MMS22L: variants seen among roughly 807,000 people sequenced by gnomAD.
MMS22L encodes MMS22 like, DNA repair protein, also known as protein MMS22-like.
In MMS22L, 74 loss-of-function variants were observed where a neutral mutation model predicts 159.1. The observed-to-expected ratio is 0.47, with a 90% confidence interval of 0.39 to 0.56. The LOEUF (loss-of-function observed/expected upper bound fraction) is 0.56, where lower values mean the gene tolerates loss of function less well. Among genes scored for constraint, MMS22L ranks in the 20% least tolerant of loss-of-function variants. The pLI is 0.00. For synonymous variants in MMS22L, 517 were observed against 506.9 expected (o/e 1.02, Z -0.27); for missense variants, 1,351 against 1,422.1 (o/e 0.95, Z 0.80).
At chr6:97,165,535 G>A (rs1406077210) in intron 20 of MMS22L, 78 bp from the exon 21 acceptor site, 1 of 1,134,046 alleles carries the variant, frequency 8.8e-7, no homozygotes, top group Non-Finnish European at 1.3e-6. Context: ...CACTAATGAA[G>A]TCCCCAGCAT....
intron 14 of MMS22L, among the ~76,000 whole-genome samples, chr6:97,192,325 G>C (rs1032961168): frequency 2.6e-5 from 4 of 152,096 alleles, no homozygotes; most frequent in African/African-American, 9.7e-5. Context: ...AGAAAAATAA[G>C]GGCTCCTTGA....
chr6:97,165,195 A>C lies in MMS22L; in HGVS notation c.3221+51T>G, dbSNP rs1413363724. On this transcript the variant is annotated intron_variant, in intron 21 of 24. Transcript: ENST00000683635. ...TTTGAAATGCCACTTTATCACTTTA[A>C]TAGAGCTTAATAATTTGTACATACC... 5 of 1,526,570 alleles carry C rather than the reference A, an allele frequency of 3.3e-6. No homozygotes were observed. In the East Asian group the frequency reaches 6.8e-5, roughly 21 times the overall value. The allele number at this position is 1,526,570 out of a possible 1,614,324, so 94.6% of individuals were successfully genotyped here. A position where few individuals can be genotyped will look rare whatever the true frequency, so the allele number is the denominator to read the frequency against.
At chr6:97,193,032 A>G (rs547299031) in intron 14 of MMS22L, among the ~76,000 whole-genome samples, 2 of 152,286 alleles carry the variant, frequency 1.3e-5, no homozygotes, top group East Asian at 3.9e-4. Context: ...TAAATAATAC[A>G]TGCTCCAAAT....
chr6:97,251,850 G>A (rs1306578383), intron 10 of MMS22L, among the ~76,000 whole-genome samples: 2 of 151,924 alleles, frequency 1.3e-5, no homozygotes, highest in Non-Finnish European at 2.9e-5. Flanking sequence ...TTGAGAGGCC[G>A]AAGCGGGCGG....
At chr6:97,249,792 ATT>A (rs1296117177) in intron 10 of MMS22L, among the ~76,000 whole-genome samples, 5 of 132,482 alleles carry the variant, frequency 3.8e-5, no homozygotes, top group African/African-American at 1.5e-4. Flanking sequence ...TTTTTGTATC[ATT>A]CTTTATTAAG....
At chr6:97,192,605 T>G (rs982546205) in intron 14 of MMS22L, among the ~76,000 whole-genome samples, 1 of 152,178 alleles carries the variant, frequency 6.6e-6, no homozygotes, top group Non-Finnish European at 1.5e-5. Flanking sequence ...CTTAGAGGCA[T>G]TCGAACATCA....
At chr6:97,181,024 G>A (rs1358716823) in intron 16 of MMS22L, among the ~76,000 whole-genome samples, 1 of 152,196 alleles carries the variant, frequency 6.6e-6, no homozygotes, top group East Asian at 1.9e-4. Context: ...CATATGCCAT[G>A]TGTACACACG....
chr6:97,233,981 C>T lies in MMS22L; in HGVS notation c.1183-1G>A. On this transcript the variant is annotated splice_acceptor_variant, in intron 11 of 24. Transcript: ENST00000683635. LOFTEE classifies it high-confidence loss of function. Reference sequence around the variant, plus strand: ...GTAATTGTTCTTCTAGAATGACACCCTAAAAAATAAACTGAAGTTATGAGA... The same window carrying T: ...GTAATTGTTCTTCTAGAATGACACCTTAAAAAATAAACTGAAGTTATGAGA... 1.2e-6 allele frequency: 2 copies of T among 1,601,754 alleles called. No homozygotes were observed. The highest frequency in any genetic ancestry group is 1.7e-6 in the Non-Finnish European group (2 of 1,175,860).
At chr6:97,190,215 A>G (rs1805724623) in intron 14 of MMS22L, among the ~76,000 whole-genome samples, 1 of 152,248 alleles carries the variant, frequency 6.6e-6, no homozygotes, top group African/African-American at 2.4e-5. Context: ...AAAATATTAT[A>G]AAGAATGTAA....
At chr6:97,247,032 T>TG (rs963104783) in intron 10 of MMS22L, among the ~76,000 whole-genome samples, 9 of 151,170 alleles carry the variant, frequency 6.0e-5, no homozygotes, top group African/African-American at 2.2e-4. Flanking sequence ...GGTGTTTGTT[T>TG]TTTTTTTTAT....
At chr6:97,270,521 G>A (rs1331938024) in intron 6 of MMS22L, 2 of 272,070 alleles carry the variant, frequency 7.4e-6, no homozygotes, top group East Asian at 2.0e-4. Flanking sequence ...TTCTACCTGA[G>A]TCAAAACCCA....
At chr6:97,241,094 G>A (rs1316566136) in intron 11 of MMS22L, among the ~76,000 whole-genome samples, 2 of 152,166 alleles carry the variant, frequency 1.3e-5, no homozygotes, top group African/African-American at 2.4e-5. Context: ...TTGTCACTAA[G>A]AATAATGGTC....
chr6:97,179,346 T>C (rs1804452632), intron 17 of MMS22L, 62 bp downstream of exon 17: 2 of 1,418,296 alleles, frequency 1.4e-6, no homozygotes, highest in Non-Finnish European at 1.9e-6. Context: ...ACAAATGATC[T>C]AGACAGCAAA....
chr6:97,228,954 C>G lies in MMS22L; in HGVS notation c.1979G>C (p.Cys660Ser). 6.2e-7 allele frequency: 1 copy of G among 1,614,104 alleles called. No individual in the cohort carries two copies. The highest frequency in any genetic ancestry group is 2.2e-5 in the East Asian group (1 of 44,876). The change falls in exon 14 of 25, where the codon TGT becomes TCT. Residue 660 changes from cysteine (C) to serine (S), a missense_variant. Physicochemically the swap from Cys to Ser is moderately radical, Grantham distance 112. Coordinates refer to ENST00000683635, the MANE Select transcript of MMS22L (RefSeq NM_001350599.2). ...NDGFSMLLRACRESELRTVLS... is the reference protein window; with the variant it reads ...NDGFSMLLRASRESELRTVLS... ...TACTGTCCTAAGTTCAGATTCTCGACATGCTCGCAGAAGCATACTAAATCC... is the reference window on the plus strand; with the variant it reads ...TACTGTCCTAAGTTCAGATTCTCGAGATGCTCGCAGAAGCATACTAAATCC...
chr6:97,256,127 C>A (rs1460581756), intron 9 of MMS22L, among the ~76,000 whole-genome samples: 1 of 151,980 alleles, frequency 6.6e-6, no homozygotes, highest in Non-Finnish European at 1.5e-5. Flanking sequence ...TCCATCAACA[C>A]CTCCTTCTCT....
At chr6:97,269,854 T>C (rs1562526097) in intron 7 of MMS22L, 48 bp downstream of exon 7, 10 of 1,379,806 alleles carry the variant, frequency 7.2e-6, no homozygotes, top group Non-Finnish European at 1.0e-5. Context: ...TAAAAAGCAA[T>C]AAAAGCTGAT....
chr6:97,172,062 T>C (rs183764992), intron 19 of MMS22L, among the ~76,000 whole-genome samples: 13 of 152,340 alleles, frequency 8.5e-5, no homozygotes, highest in African/African-American at 2.6e-4. Context: ...TTTTGTCCCA[T>C]GTCTATATCA....
chr6:97,147,397 A>ACTAC (rs1218229840), intron 24 of MMS22L, among the ~76,000 whole-genome samples: 5 of 152,170 alleles, frequency 3.3e-5, no homozygotes, highest in African/African-American at 1.2e-4. Flanking sequence ...ACTTCCCTGT[A>ACTAC]TTTGGAAGGT....
At chr6:97,166,023 C>G (rs1320982032) in intron 20 of MMS22L, among the ~76,000 whole-genome samples, 2 of 152,074 alleles carry the variant, frequency 1.3e-5, no homozygotes, top group East Asian at 3.9e-4. Context: ...TTAAATTTCT[C>G]AAAGAACCAC....
Sources: gnomAD v4.1 joint callset for allele counts (sites outside exome capture counted in the v4.1 genomes callset) on GRCh38, gnomAD v4.1.1 for gene constraint, MANE v1.5 for transcripts, NCBI Gene and HGNC (gene_info 2026-07-23, HGNC 2026-07-21) for gene names.